The following RAB11FIP1 variants were observed in gnomAD, a reference collection of about 807,000 sequenced individuals.
RAB11FIP1 encodes rab11 family-interacting protein 1.
RAB11FIP1 carries 49 observed loss-of-function variants against 83.1 expected under a neutral mutation model. The ratio of observed to expected loss-of-function variants is 0.59; its 90% CI spans 0.47 to 0.75. The LOEUF (loss-of-function observed/expected upper bound fraction) is 0.75, where lower values mean the gene tolerates loss of function less well. Among genes scored for constraint, RAB11FIP1 ranks in the 30% least tolerant of loss-of-function variants. The pLI is 0.00. For missense variants in RAB11FIP1, 1,536 were observed against 1,598.7 expected, an observed-to-expected ratio of 0.96 and a Z score of 0.67; for synonymous variants, 670 against 656.0, an observed-to-expected ratio of 1.02 and a Z score of -0.33.
chr8:37,867,517 C>T (rs778220292), intron 5 of RAB11FIP1, among the ~76,000 whole-genome samples: 3 of 151,816 alleles, frequency 2.0e-5, no homozygotes, highest in Non-Finnish European at 4.4e-5. Context: ...CCAGCCTGAC[C>T]GACATGGTAG....
intron 3 of RAB11FIP1, 149 bp from the exon 4 acceptor site, chr8:37,873,328 G>T (rs1236951005): frequency 4.7e-6 from 4 of 851,766 alleles, no homozygotes. Flanking sequence ...ACGCTAGCCG[G>T]GCGCGGTGGC....
chr8:37,877,576 T>C, intron 1 of RAB11FIP1, 25 bp from the exon 2 acceptor site: 1 of 1,487,828 alleles, frequency 6.7e-7, no homozygotes, highest in South Asian at 1.2e-5. Context: ...GCTGAGGAGT[T>C]ACCTTTGAAT....
Position 37,874,974 on chromosome 8 carries a change from T to C in RAB11FIP1, c.1163A>G (p.Asp388Gly). The change falls in exon 3 of 6, where the codon GAC becomes GGC. Residue 388 changes from aspartate (D) to glycine (G), a missense_variant. Coordinates refer to ENST00000330843, the MANE Select transcript of RAB11FIP1 (RefSeq NM_001002814.3). The stretch of plus-strand genomic sequence containing the variant: ...CGGCAGGGTCATAGACTTCAAGGAG[T>C]CCTTGGTGGAAGATTCGGAGAGCTG... ...DRQLSESSTK[D>G]SLKSMTLPSY... The C allele has an allele frequency of 6.2e-7, 1 of 1,613,572 alleles. No individual in the cohort carries two copies. The highest frequency in any genetic ancestry group is 8.5e-7 in the Non-Finnish European group (1 of 1,179,866).
chr8:37,871,227 C>A (rs1304121591), intron 4 of RAB11FIP1, 51 bp downstream of exon 4: 3 of 1,539,918 alleles, frequency 1.9e-6, no homozygotes, highest in Middle Eastern at 4.9e-4. Context: ...AGGTAGGAAG[C>A]AAAGGGGGAC....
At chr8:37,885,525 T>C (rs1207994476) in intron 1 of RAB11FIP1, among the ~76,000 whole-genome samples, 2 of 152,152 alleles carry the variant, frequency 1.3e-5, no homozygotes, top group East Asian at 3.8e-4. Flanking sequence ...GTTTTTGTTT[T>C]TGGGGATCTT....
rs865785977 is a variant in RAB11FIP1 at position 37,859,671 on chromosome 8, A to T, written c.*3224T>A. On this transcript the variant is annotated 3_prime_UTR_variant, in exon 6 of 6. Transcript: ENST00000330843. ...AAAAGCTGACTTCCAACTGCAGTTT[A>T]TGGGTATAGAATTTGATGCTTCCCT... The T allele has an allele frequency of 5.3e-5, 8 of 152,308 alleles. No homozygotes were observed. The highest frequency in any genetic ancestry group is 1.9e-4 in the African/African-American group (8 of 41,476). 9.4% of individuals were successfully genotyped at this position (152,308 alleles called of 1,614,324 possible).
chr8:37,899,109 C>A lies in RAB11FIP1; in HGVS notation c.333G>T (p.Leu111=). The A allele has an allele frequency of 6.5e-7, 1 of 1,530,978 alleles. No individual in the cohort carries two copies. The highest frequency in any genetic ancestry group is 8.7e-7 in the Non-Finnish European group (1 of 1,148,294). 94.8% of individuals were successfully genotyped at this position (1,530,978 alleles called of 1,614,324 possible). Residue 111 remains leucine, a synonymous_variant, in exon 1 of 6, where the codon CTG becomes CTT. Transcript: ENST00000330843. This position sits in a 1 kb window ranked among gnomAD's most constrained non-coding sequence, Gnocchi z 4.5. The part of the protein sequence containing the change: ...DKFLGRAEVD[L]RDLHRDQGRR... ...GGCCCTGGTCGCGGTGCAGATCCCGCAGGTCCACCTCGGCGCGGCCCAGGA... is the reference window on the plus strand; with the variant it reads ...GGCCCTGGTCGCGGTGCAGATCCCGAAGGTCCACCTCGGCGCGGCCCAGGA...
rs1806215876 is a variant in RAB11FIP1 at position 37,860,646 on chromosome 8, C to T, written c.*2249G>A. 6.6e-6 allele frequency: 1 copy of T among 152,584 alleles called. No individual in the cohort carries two copies. The highest frequency in any genetic ancestry group is 1.5e-5 in the Non-Finnish European group (1 of 68,050). 9.5% of individuals were successfully genotyped at this position (152,584 alleles called of 1,614,324 possible). Reference sequence around the variant, plus strand: ...ACAGGCGTGAGCCACCGCGTCCAGCCATACATGTACATTTTCAGAGTTCAA... The same window carrying T: ...ACAGGCGTGAGCCACCGCGTCCAGCTATACATGTACATTTTCAGAGTTCAA... On this transcript the variant is annotated 3_prime_UTR_variant, in exon 6 of 6. Coordinates refer to ENST00000330843, the MANE Select transcript of RAB11FIP1 (RefSeq NM_001002814.3).
chr8:37,889,066 G>A (rs181840704), intron 1 of RAB11FIP1, among the ~76,000 whole-genome samples: 1 of 152,160 alleles, frequency 6.6e-6, no homozygotes, highest in Non-Finnish European at 1.5e-5. Flanking sequence ...CAAAGTGCTG[G>A]GATTACAGGC....
Position 37,862,035 on chromosome 8 carries a change from T to G in RAB11FIP1, c.*860A>C, listed in dbSNP as rs1806247205. 6.3e-6 allele frequency: 1 copy of G among 159,480 alleles called. No homozygotes were observed. Among genetic ancestry groups the G allele is most frequent in the South Asian group, 1.7e-4 (1 of 6,040 alleles). The allele number at this position is 159,480 out of a possible 1,614,324, so 9.9% of individuals were successfully genotyped here. On this transcript the variant is annotated 3_prime_UTR_variant, in exon 6 of 6. Transcript: ENST00000330843. ...TGACATCATTCCACACCTGGAGAAC[T>G]GTATTAGCGAGTGCGTGGACCACCC...
chr8:37,871,639 G>T lies in RAB11FIP1; in HGVS notation c.3163C>A (p.His1055Asn). 6.2e-7 allele frequency: 1 copy of T among 1,610,068 alleles called. No homozygotes were observed. The highest frequency in any genetic ancestry group is 8.5e-7 in the Non-Finnish European group (1 of 1,176,926). ...TCCAAGCTTGAGCTCTTGCCAAGAT[G>T]TGGTTTGTGAATTCCGAACTCTGTG... ...QTTEFGIHKP[H>N]LGKSSSLDKQ... Residue 1055 changes from histidine to asparagine, a missense_variant, in exon 4 of 6, where the codon CAT becomes AAT. His to Asn is a moderately conservative substitution (Grantham distance 68). Transcript: ENST00000330843.
At chr8:37,873,761 T>C (rs1806535843) in intron 3 of RAB11FIP1, among the ~76,000 whole-genome samples, 1 of 152,134 alleles carries the variant, frequency 6.6e-6, no homozygotes, top group Non-Finnish European at 1.5e-5. Flanking sequence ...GCCCGAGCAT[T>C]TGATTATTAC....
At chr8:37,875,959 C>T (rs899836559) in intron 2 of RAB11FIP1, among the ~76,000 whole-genome samples, 1 of 152,080 alleles carries the variant, frequency 6.6e-6, no homozygotes, top group African/African-American at 2.4e-5. Context: ...CTTTGGGAGG[C>T]CAAGGCAGGT....
At chr8:37,886,237 G>A (rs567821809) in intron 1 of RAB11FIP1, among the ~76,000 whole-genome samples, 1 of 152,270 alleles carries the variant, frequency 6.6e-6, no homozygotes, top group South Asian at 2.1e-4. Flanking sequence ...TTGTTACATT[G>A]GGGCAACTGC....
chr8:37,891,739 ATT>A lies in RAB11FIP1; in HGVS notation c.371+7330_371+7331del, dbSNP rs113373578. On this transcript the variant is annotated intron_variant, in intron 1 of 5. Transcript: ENST00000330843. Reference sequence around the variant, plus strand: ...ATTTAACTGGTTCACTTACTTGAGAATTTTTTTTTCATTTATGGGTCTAACTT... The same window carrying A: ...ATTTAACTGGTTCACTTACTTGAGAATTTTTTTCATTTATGGGTCTAACTT... Among the ~76,000 whole-genome samples, 191 of 151,786 alleles carry A rather than the reference ATT, an allele frequency of 1.3e-3. 2 individuals carry two copies. In the East Asian group the frequency reaches 0.03, roughly 24 times the overall value.
chr8:37,899,169 G>C lies in RAB11FIP1; in HGVS notation c.273C>G (p.Thr91=). ...GGCCGAGCAGCGCGCGGTGCAGCAC[G>C]GTGAGCTGCAGGGTGGCGGCGGCCG... The part of the protein sequence containing the change: ...GPAAAATLQL[T]VLHRALLGLD... The change falls in exon 1 of 6, where the codon ACC becomes ACG. Residue 91 remains threonine, a synonymous_variant. Transcript: ENST00000330843. This position sits in a 1 kb window ranked among gnomAD's most constrained non-coding sequence, Gnocchi z 4.5. The C allele has an allele frequency of 1.9e-6, 3 of 1,558,548 alleles. No individual in the cohort carries two copies. The highest frequency in any genetic ancestry group is 2.1e-4 in the Middle Eastern group (1 of 4,842).
chr8:37,875,514 A>G (rs1466942844), intron 2 of RAB11FIP1, among the ~76,000 whole-genome samples, 192 bp from the exon 3 acceptor site: 7 of 152,174 alleles, frequency 4.6e-5, no homozygotes, highest in African/African-American at 1.7e-4. Context: ...GCCCCCCACG[A>G]CAAAGGCCTG....
chr8:37,877,588 G>C, intron 1 of RAB11FIP1, 37 bp from the exon 2 acceptor site: 1 of 1,352,996 alleles, frequency 7.4e-7, no homozygotes, highest in Non-Finnish European at 1.0e-6. Context: ...CCTTTGAATG[G>C]AAGCAACTGC....
rs1241610129 is a variant in RAB11FIP1, at chr8:37,860,928, T to G, written c.*1967A>C. 1 of 152,666 alleles carries G rather than the reference T, an allele frequency of 6.6e-6. No individual in the cohort carries two copies. The highest frequency in any genetic ancestry group is 2.4e-5 in the African/African-American group (1 of 41,456). 9.5% of individuals were successfully genotyped at this position (152,666 alleles called of 1,614,324 possible). A position where few individuals can be genotyped will look rare whatever the true frequency, so the allele number is the denominator to read the frequency against. On this transcript the variant is annotated 3_prime_UTR_variant, in exon 6 of 6. Coordinates refer to ENST00000330843, the MANE Select transcript of RAB11FIP1 (RefSeq NM_001002814.3). ...TTGCACTGCCAATGATTTTGTCTCT[T>G]AACCTCAATGTAACAAGGACACACA... is the stretch of plus-strand genomic sequence containing the variant.
Sources: gnomAD v4.1 joint callset for allele counts (sites outside exome capture counted in the v4.1 genomes callset) on GRCh38, gnomAD v4.1.1 for gene constraint, Gnocchi (gnomAD v3.1) non-coding constraint, MANE v1.5 for transcripts, NCBI Gene and HGNC (gene_info 2026-07-23, HGNC 2026-07-21) for gene names.